The following GRIP1 variants were observed in gnomAD, a reference collection of about 807,000 sequenced individuals.
The protein encoded by GRIP1 is glutamate receptor interacting protein 1.
Under a neutral mutation model 129.9 loss-of-function variants are expected in GRIP1, and 45 were observed. The observed-to-expected ratio is 0.35, with a 90% CI of 0.27 to 0.44. GRIP1 has a LOEUF of 0.44. Among genes scored for constraint, GRIP1 ranks in the 20% least tolerant of loss-of-function variants. The pLI, the probability that GRIP1 is intolerant of heterozygous loss-of-function variation, is 1.00. For missense variants in GRIP1, 1,196 were observed against 1,396.8 expected, an observed-to-expected ratio of 0.86 and a Z score of 2.29; for synonymous variants, 530 against 520.8, an observed-to-expected ratio of 1.02 and a Z score of -0.24.
At chr12:66,583,682 G>C (rs183011285) in intron 2 of GRIP1, among the ~76,000 whole-genome samples, 1 of 139,620 alleles carries the variant, frequency 7.2e-6, no homozygotes, top group Non-Finnish European at 1.6e-5. Context: ...GGCCATCAGA[G>C]AAATGCAAAT....
chr12:66,681,707 A>G (rs2034590198), upstream of GRIP1, among the ~76,000 whole-genome samples: 1 of 152,190 alleles, frequency 6.6e-6, no homozygotes, highest in Non-Finnish European at 1.5e-5. Flanking sequence ...TACAGATTTG[A>G]TTAAGCCCCA....
intron 1 of GRIP1, among the ~76,000 whole-genome samples, chr12:66,786,135 G>A (rs907730050): frequency 1.3e-5 from 2 of 152,138 alleles, no homozygotes; most frequent in Non-Finnish European, 2.9e-5. Context: ...CTAAGTTTTT[G>A]TATTGAAATT....
At chr12:66,642,136 G>A (rs77050398) in intron 1 of GRIP1, among the ~76,000 whole-genome samples, 9 of 152,296 alleles carry the variant, frequency 5.9e-5, no homozygotes, top group Middle Eastern at 3.4e-3. Flanking sequence ...CATCCTAGGG[G>A]ATGTTACAGG....
intron 1 of GRIP1, among the ~76,000 whole-genome samples, chr12:66,935,870 T>TTAA (rs2041475664): frequency 6.6e-6 from 1 of 152,222 alleles, no homozygotes; most frequent in Non-Finnish European, 1.5e-5. Flanking sequence ...CACTCAGTTA[T>TTAA]TGTTAAAGGT....
intron 1 of GRIP1, among the ~76,000 whole-genome samples, chr12:66,601,299 C>A (rs932207239): frequency 1.3e-5 from 2 of 152,176 alleles, no homozygotes; most frequent in South Asian, 4.1e-4. Flanking sequence ...CAATGCTTCA[C>A]TCTGCATCAC....
intron 1 of GRIP1, among the ~76,000 whole-genome samples, chr12:66,686,086 G>A (rs2034773698): frequency 6.6e-6 from 1 of 152,202 alleles, no homozygotes; most frequent in Admixed American, 6.5e-5. Flanking sequence ...CAATAGCTCT[G>A]CCACTTTAAG....
chr12:66,391,136 C>A (rs1409449891), intron 19 of GRIP1, among the ~76,000 whole-genome samples: 1 of 152,098 alleles, frequency 6.6e-6, no homozygotes, highest in Non-Finnish European at 1.5e-5. Context: ...CAGGAGAGAG[C>A]AAACTGGATA....
chr12:66,772,903 C>T (rs2037863544), intron 1 of GRIP1, among the ~76,000 whole-genome samples: 1 of 152,118 alleles, frequency 6.6e-6, no homozygotes. Flanking sequence ...TGCCTCAGAC[C>T]ATCAAGAGTG....
chr12:66,817,535 G>C (rs372308793), intron 1 of GRIP1, among the ~76,000 whole-genome samples: 1 of 151,998 alleles, frequency 6.6e-6, no homozygotes. Flanking sequence ...TCAGCCTCCC[G>C]AGTAGCTGGG....
chr12:66,992,983 A>G (rs538830303), intron 1 of GRIP1, among the ~76,000 whole-genome samples: 8 of 152,138 alleles, frequency 5.3e-5, no homozygotes, highest in African/African-American at 1.9e-4. Flanking sequence ...GTGTGGTGGC[A>G]TGCACCTGTG....
intron 1 of GRIP1, among the ~76,000 whole-genome samples, chr12:66,982,096 G>C (rs566563052): frequency 6.6e-6 from 1 of 152,116 alleles, no homozygotes; most frequent in Non-Finnish European, 1.5e-5. Flanking sequence ...TAGTAACTCT[G>C]TGACTTTGTT....
chr12:66,808,030 T>C (rs541204586), upstream of GRIP1, among the ~76,000 whole-genome samples: 2 of 151,718 alleles, frequency 1.3e-5, no homozygotes, highest in South Asian at 4.2e-4. Context: ...AGTTAGCTAT[T>C]ATAATACAAC....
chr12:66,612,953 T>C (rs1055802825), intron 1 of GRIP1, among the ~76,000 whole-genome samples: 8 of 152,152 alleles, frequency 5.3e-5, no homozygotes, highest in African/African-American at 1.9e-4. Context: ...AAAGACAGCA[T>C]CCAAACAACA....
intron 1 of GRIP1, among the ~76,000 whole-genome samples, chr12:66,696,318 C>T (rs1400736194): frequency 6.6e-6 from 1 of 151,950 alleles, no homozygotes; most frequent in Non-Finnish European, 1.5e-5. Flanking sequence ...GAATTTGATT[C>T]CTGATGAGTA....
intron 7 of GRIP1, among the ~76,000 whole-genome samples, chr12:66,496,667 G>C (rs2060246985): frequency 6.6e-6 from 1 of 152,134 alleles, no homozygotes; most frequent in Non-Finnish European, 1.5e-5. Flanking sequence ...TGAATCACTA[G>C]AAATTGCTAA....
intron 1 of GRIP1, among the ~76,000 whole-genome samples, chr12:66,868,576 C>T (rs1301333977): frequency 2.0e-5 from 3 of 151,904 alleles, no homozygotes; most frequent in Non-Finnish European, 2.9e-5. Context: ...TCTACCGTGC[C>T]ACTCCAAGAA....
intron 2 of GRIP1, among the ~76,000 whole-genome samples, chr12:66,596,011 G>A (rs895100382): frequency 2.2e-4 from 33 of 152,076 alleles, no homozygotes; most frequent in African/African-American, 7.5e-4. Context: ...TAAAACTATT[G>A]TACTCTAAAA....
In GRIP1 at chr12:67,032,839, G is replaced by C. The variant is rs765458744; in HGVS notation, c.58+36211C>G. Among the ~76,000 whole-genome samples, 7 of 152,102 alleles carry C rather than the reference G, an allele frequency of 4.6e-5. No individual in the cohort carries two copies. The East Asian group carries it at 1.4e-3, about 29-fold the overall frequency. Reference sequence around the variant, plus strand: ...ACGTATAATCTTAAATATTTCAGGAGCTACATTAAAAAGATAACAAGAAGC... The same window carrying C: ...ACGTATAATCTTAAATATTTCAGGACCTACATTAAAAAGATAACAAGAAGC... On this transcript the variant is annotated intron_variant, in intron 1 of 1. Transcript: ENST00000643019.
At chr12:66,884,818 A>T (rs1383082145) in intron 1 of GRIP1, among the ~76,000 whole-genome samples, 1 of 152,182 alleles carries the variant, frequency 6.6e-6, no homozygotes, top group African/African-American at 2.4e-5. Context: ...ATGCCATCTA[A>T]AATATATATA....
Sources: gnomAD v4.1 joint callset for allele counts (sites outside exome capture counted in the v4.1 genomes callset) on GRCh38, gnomAD v4.1.1 for gene constraint, MANE v1.5 for transcripts, NCBI Gene and HGNC (gene_info 2026-07-23, HGNC 2026-07-21) for gene names.